Variants in SEMA3D observed in about 807,000 individuals in gnomAD.
SEMA3D encodes semaphorin-3D.
In SEMA3D, 84 loss-of-function variants were observed where a neutral mutation model predicts 100.1. That is an observed-to-expected ratio of 0.84 (90% CI 0.70 to 1.01). The LOEUF is 1.01. Among genes scored for constraint, SEMA3D ranks in the 50% least tolerant of loss-of-function variants. The pLI is 0.00. For missense variants in SEMA3D, 875 were observed against 934.1 expected, an observed-to-expected ratio of 0.94 and a Z score of 0.82; for synonymous variants, 312 against 320.7, an observed-to-expected ratio of 0.97 and a Z score of 0.29.
Position 85,134,393 on chromosome 7 carries a change from A to C in SEMA3D, c.-40-12462T>G, listed in dbSNP as rs1442132315. Among the ~76,000 whole-genome samples the C allele has an allele frequency of 9.2e-5, 14 of 152,030 alleles. No homozygotes were observed. In the Admixed American group the frequency reaches 9.2e-4, roughly 10 times the overall value. ...TTATTTGGATATTGTAATAACCAAA[A>C]ATGTTTATGCATATCAAGAAATTTA... On this transcript the variant is annotated intron_variant, in intron 2 of 18. Transcript: ENST00000284136.
chr7:85,166,081 C>G lies in SEMA3D; in HGVS notation c.-172-12342G>C, dbSNP rs188183957. ...TAATGGCATAAACAGGTTTAATAAT[C>G]ATGAGAATCTAATTTGCTTGGAATG... On this transcript the variant is annotated intron_variant, in intron 1 of 18. Transcript: ENST00000284136. Among the ~76,000 whole-genome samples, 55 of 152,068 alleles carry G rather than the reference C, an allele frequency of 3.6e-4. 1 individual carries two copies. The South Asian group carries it at 0.011, about 31-fold the overall frequency.
At chr7:85,159,868 T>C in intron 1 of SEMA3D, 1 of 984,946 alleles carries the variant, frequency 1.0e-6, no homozygotes, top group African/African-American at 1.7e-5. Context: ...AACCATTATA[T>C]GACTGGAGGA....
chr7:85,045,351 A>C (rs1180191367), intron 9 of SEMA3D, among the ~76,000 whole-genome samples: 2 of 152,058 alleles, frequency 1.3e-5, no homozygotes, highest in African/African-American at 4.8e-5. Context: ...TATTAAGTGC[A>C]CATGAAGAAC....
chr7:85,244,607 A>G, the SEMA3D span, among the ~76,000 whole-genome samples: 5 of 152,182 alleles, frequency 3.3e-5, no homozygotes, highest in African/African-American at 1.2e-4. Flanking sequence ...TAAAGTAGGA[A>G]GCAAAAAATA....
intron 4 of SEMA3D, among the ~76,000 whole-genome samples, chr7:85,083,105 G>T (rs554035974): frequency 6.6e-6 from 1 of 152,064 alleles, no homozygotes; most frequent in Non-Finnish European, 1.5e-5. Flanking sequence ...ATTGCAAACC[G>T]CACATCTTGC....
At chr7:85,086,464 T>C (rs1428937650) in intron 4 of SEMA3D, among the ~76,000 whole-genome samples, 1 of 152,110 alleles carries the variant, frequency 6.6e-6, no homozygotes, top group African/African-American at 2.4e-5. Context: ...TATTCTTACA[T>C]AGAATTGGCA....
intron 15 of SEMA3D, among the ~76,000 whole-genome samples, chr7:85,016,739 T>C (rs1028642160): frequency 1.3e-4 from 19 of 151,498 alleles, no homozygotes; most frequent in African/African-American, 4.3e-4. Flanking sequence ...AACACCCTCC[T>C]TCTTAATCAT....
At chr7:85,146,163 T>G (rs1004764811) in intron 2 of SEMA3D, among the ~76,000 whole-genome samples, 4 of 152,198 alleles carry the variant, frequency 2.6e-5, no homozygotes, top group Non-Finnish European at 5.9e-5. Flanking sequence ...CGACTTTATA[T>G]TTGTATGACA....
intron 3 of SEMA3D, among the ~76,000 whole-genome samples, chr7:85,116,433 A>C (rs921480762): frequency 6.8e-6 from 1 of 147,294 alleles, no homozygotes; most frequent in Non-Finnish European, 1.5e-5. Flanking sequence ...ATATATTTAC[A>C]TATGTATATA....
the SEMA3D span, among the ~76,000 whole-genome samples, chr7:85,225,926 T>C: frequency 6.6e-6 from 1 of 152,146 alleles, no homozygotes; most frequent in Non-Finnish European, 1.5e-5. Context: ...ATACTATACT[T>C]TACAAATACA....
intron 4 of SEMA3D, 40 bp from the exon 5 acceptor site, chr7:85,081,619 G>C: frequency 1.5e-6 from 2 of 1,354,758 alleles, no homozygotes; most frequent in South Asian, 1.2e-5. Flanking sequence ...CTGAATATCT[G>C]AAACACCCTA....
At chr7:85,121,955 A>T in intron 2 of SEMA3D, 24 bp from the exon 3 acceptor site, 1 of 1,259,056 alleles carries the variant, frequency 7.9e-7, no homozygotes, top group Non-Finnish European at 1.1e-6. Flanking sequence ...AAAAAAAAAA[A>T]ACTATTAAGG....
Position 85,006,925 on chromosome 7 carries a change from A to G in SEMA3D, c.1785T>C (p.Thr595=), listed in dbSNP as rs1246233589. The G allele has an allele frequency of 6.2e-7, 1 of 1,610,296 alleles. No individual in the cohort carries two copies. Among genetic ancestry groups the G allele is most frequent in the South Asian group, 1.1e-5 (1 of 90,788 alleles). The change falls in exon 18 of 19, where the codon ACT becomes ACC. Residue 595 remains threonine (T), a synonymous_variant. Transcript: ENST00000284136. ...WDIEDSISHE[T]ADEKVIFGIE... is the part of the protein sequence containing the mutation. ...TGCCAAAAATCACCTTTTCATCAGC[A>G]GTTTCATGACTAATGCCTGGAAAGC...
intron 8 of SEMA3D, among the ~76,000 whole-genome samples, chr7:85,058,746 A>C (rs1791394576): frequency 1.8e-5 from 2 of 114,068 alleles, no homozygotes; most frequent in South Asian, 5.1e-4. Flanking sequence ...AGACTCCACT[A>C]CAAAAAAAAA....
At chr7:85,214,394 T>C in the SEMA3D span, among the ~76,000 whole-genome samples, 1 of 152,054 alleles carries the variant, frequency 6.6e-6, no homozygotes, top group Admixed American at 6.5e-5. Flanking sequence ...TAAATTAGGG[T>C]AGAAGATAGA....
intron 1 of SEMA3D, among the ~76,000 whole-genome samples, chr7:85,167,873 C>A (rs1286622041): frequency 6.6e-6 from 1 of 151,770 alleles, no homozygotes; most frequent in Admixed American, 6.6e-5. Context: ...ATCAAGAAAG[C>A]ATGATATTGT....
the SEMA3D span, among the ~76,000 whole-genome samples, chr7:85,223,964 C>A: frequency 6.0e-3 from 905 of 151,884 alleles, 11 homozygotes; most frequent in African/African-American, 0.021. Context: ...CCAAAGCTGG[C>A]AGGCAAAGGC....
intron 12 of SEMA3D, among the ~76,000 whole-genome samples, chr7:85,023,402 T>C (rs1186239632): frequency 6.6e-6 from 1 of 151,828 alleles, no homozygotes; most frequent in African/African-American, 2.4e-5. Context: ...CTCTCCCACA[T>C]CCTAAATCTA....
chr7:85,147,809 A>G (rs902352057), intron 2 of SEMA3D, among the ~76,000 whole-genome samples: 1 of 152,180 alleles, frequency 6.6e-6, no homozygotes, highest in Non-Finnish European at 1.5e-5. Flanking sequence ...TCCTGGATAT[A>G]CAACATAGGA....
Sources: gnomAD v4.1 joint callset for allele counts (sites outside exome capture counted in the v4.1 genomes callset) on GRCh38, gnomAD v4.1.1 for gene constraint, MANE v1.5 for transcripts, NCBI Gene and HGNC (gene_info 2026-07-23, HGNC 2026-07-21) for gene names.